GRID2: variants seen among roughly 807,000 people sequenced by gnomAD.
The protein encoded by GRID2 is glutamate ionotropic receptor delta type subunit 2.
A neutral mutation model predicts 114.8 loss-of-function variants in GRID2; 33 were observed. The observed-to-expected ratio is 0.29, with a 90% CI of 0.22 to 0.38. GRID2 has a LOEUF of 0.38. Among genes scored for constraint, GRID2 ranks in the 10% least tolerant of loss-of-function variants. The pLI, the probability that GRID2 is intolerant of heterozygous loss-of-function variation, is 1.00. For missense variants in GRID2, 1,184 were observed against 1,257.7 expected, an observed-to-expected ratio of 0.94 and a Z score of 0.89; for synonymous variants, 505 against 449.9, an observed-to-expected ratio of 1.12 and a Z score of -1.55.
At chr4:93,102,401 A>G (rs1731790917) in intron 3 of GRID2, among the ~76,000 whole-genome samples, 1 of 152,200 alleles carries the variant, frequency 6.6e-6, no homozygotes, top group Admixed American at 6.5e-5. Flanking sequence ...CCAGTATGCT[A>G]GGTAGATATG....
At chr4:93,680,166 T>C (rs1431311218) in intron 14 of GRID2, among the ~76,000 whole-genome samples, 1 of 151,986 alleles carries the variant, frequency 6.6e-6, no homozygotes, top group Admixed American at 6.5e-5. Flanking sequence ...ACGAATAAAC[T>C]AGAAAATCTA....
intron 4 of GRID2, among the ~76,000 whole-genome samples, chr4:93,156,901 T>C (rs1000108731): frequency 6.6e-6 from 1 of 151,574 alleles, no homozygotes; most frequent in Non-Finnish European, 1.5e-5. Context: ...CTCTTGTTTG[T>C]TGAATAAAAG....
chr4:92,406,020 A>C (rs562243638), intron 1 of GRID2, among the ~76,000 whole-genome samples: 202 of 152,264 alleles, frequency 1.3e-3, no homozygotes, highest in African/African-American at 4.6e-3. Context: ...AGTATCCAGC[A>C]TGGAAGAGAG....
intron 2 of GRID2, among the ~76,000 whole-genome samples, chr4:93,065,237 A>C (rs2149298010): frequency 6.6e-6 from 1 of 151,984 alleles, no homozygotes; most frequent in African/African-American, 2.4e-5. Context: ...TCAGAAACTG[A>C]GAGATTATAT....
At chr4:93,178,088 A>G (rs1316504485) in intron 4 of GRID2, among the ~76,000 whole-genome samples, 1 of 150,966 alleles carries the variant, frequency 6.6e-6, no homozygotes, top group Non-Finnish European at 1.5e-5. Flanking sequence ...AAAAAAACAT[A>G]TAAGCTAGTG....
chr4:92,889,441 A>G (rs189057795), intron 2 of GRID2, among the ~76,000 whole-genome samples: 163 of 152,304 alleles, frequency 1.1e-3, no homozygotes, highest in African/African-American at 3.4e-3. Flanking sequence ...TCCAAAATCA[A>G]TGTGCAAAAA....
chr4:93,119,814 G>A (rs539644450), intron 4 of GRID2, among the ~76,000 whole-genome samples: 3 of 152,312 alleles, frequency 2.0e-5, no homozygotes, highest in Admixed American at 1.3e-4. Flanking sequence ...GCTTATCTCA[G>A]TAGATACAGA....
chr4:93,596,865 T>A (rs1739160291), intron 13 of GRID2, among the ~76,000 whole-genome samples: 1 of 152,222 alleles, frequency 6.6e-6, no homozygotes, highest in South Asian at 2.1e-4. Context: ...TATAATTGAT[T>A]TAATACGGAT....
At chr4:93,302,274 A>T (rs919784477) in intron 8 of GRID2, among the ~76,000 whole-genome samples, 1 of 152,250 alleles carries the variant, frequency 6.6e-6, no homozygotes, top group African/African-American at 2.4e-5. Flanking sequence ...CTAAAGCCAG[A>T]TGTAAACAGT....
chr4:93,759,571 G>A (rs1345992421), intron 14 of GRID2, among the ~76,000 whole-genome samples: 1 of 152,206 alleles, frequency 6.6e-6, no homozygotes, highest in East Asian at 1.9e-4. Context: ...ACACAACACA[G>A]ATTGGAAACT....
At chr4:93,082,194 G>C (rs1179108416) in intron 2 of GRID2, among the ~76,000 whole-genome samples, 1 of 152,184 alleles carries the variant, frequency 6.6e-6, no homozygotes, top group African/African-American at 2.4e-5. Flanking sequence ...ACTTGTGTGA[G>C]CTCTTCCTTT....
At chr4:93,705,328 C>CT (rs971264770) in intron 14 of GRID2, among the ~76,000 whole-genome samples, 95 of 144,184 alleles carry the variant, frequency 6.6e-4, no homozygotes, top group Admixed American at 2.5e-3. Context: ...TTTCTTTTTT[C>CT]TTTTTTTTTT....
chr4:92,823,949 G>T (rs1398014933), intron 2 of GRID2, among the ~76,000 whole-genome samples: 1 of 152,098 alleles, frequency 6.6e-6, no homozygotes, highest in Non-Finnish European at 1.5e-5. Flanking sequence ...TTTAGAATAG[G>T]GACTGGTGGT....
At chr4:92,571,250 T>C (rs975535933) in intron 1 of GRID2, among the ~76,000 whole-genome samples, 1 of 151,974 alleles carries the variant, frequency 6.6e-6, no homozygotes, top group African/African-American at 2.4e-5. Flanking sequence ...GAATCACATG[T>C]ATTGATTTGC....
chr4:93,057,101 CT>C (rs1289404559), intron 2 of GRID2, among the ~76,000 whole-genome samples: 1 of 151,176 alleles, frequency 6.6e-6, no homozygotes, highest in African/African-American at 2.4e-5. Flanking sequence ...TGAAGAGAAA[CT>C]TGCGAAGAGA....
intron 1 of GRID2, among the ~76,000 whole-genome samples, chr4:92,400,004 T>C (rs1436947423): frequency 6.6e-6 from 1 of 152,162 alleles, no homozygotes; most frequent in African/African-American, 2.4e-5. Context: ...TAGTGGAAAC[T>C]GAAACTCATA....
rs575472081 is a variant in GRID2, at chr4:93,166,885, G to A, written c.736-40519G>A. On this transcript the variant is annotated intron_variant, in intron 4 of 15. Transcript: ENST00000282020. ...AAACCAGTGTGCTAGCTCATAGGTT[G>A]CTAGATATGATTTGGGCTCCACTAA... 2.0e-5 allele frequency among the ~76,000 whole-genome samples: 3 copies of A among 152,250 alleles called. No individual in the cohort carries two copies. In the South Asian group the frequency reaches 6.2e-4, roughly 32 times the overall value.
At chr4:92,348,196 G>T (rs1469089040) in intron 1 of GRID2, among the ~76,000 whole-genome samples, 1 of 152,004 alleles carries the variant, frequency 6.6e-6, no homozygotes, top group Admixed American at 6.6e-5. Flanking sequence ...AAACTGCTGG[G>T]CTCAAGTGAT....
At chr4:93,306,688 T>C (rs1755460881) in intron 8 of GRID2, among the ~76,000 whole-genome samples, 1 of 152,126 alleles carries the variant, frequency 6.6e-6, no homozygotes. Context: ...AAAAATAATA[T>C]AGAGAAGCAG....
Sources: allele counts gnomAD v4.1 joint callset (sites outside exome capture counted in the v4.1 genomes callset), GRCh38; gene constraint gnomAD v4.1.1; transcripts MANE v1.5; gene names NCBI Gene and HGNC (gene_info 2026-07-23, HGNC 2026-07-21).